The following LIMS1 variants were observed in gnomAD, a reference collection of about 807,000 sequenced individuals.
LIMS1 encodes the protein LIM and senescent cell antigen-like-containing domain protein 1.
Under a neutral mutation model 44.1 loss-of-function variants are expected in LIMS1, and 18 were observed. The observed-to-expected ratio is 0.41, with a 90% CI of 0.28 to 0.61. The LOEUF (loss-of-function observed/expected upper bound fraction) is 0.61. Among genes scored for constraint, LIMS1 ranks in the 20% least tolerant of loss-of-function variants. The probability of loss-of-function intolerance (pLI) is 0.32; values close to 1 mark genes in which losing one functional copy is unlikely to be tolerated. For missense variants in LIMS1, 201 were observed against 422.0 expected, an observed-to-expected ratio of 0.48 and a Z score of 4.59; for synonymous variants, 93 against 149.1, an observed-to-expected ratio of 0.62 and a Z score of 2.74.
chr2:108,549,290 T>C (rs1328848714), intron 1 of LIMS1, among the ~76,000 whole-genome samples: 1 of 117,874 alleles, frequency 8.5e-6, no homozygotes, highest in Non-Finnish European at 1.7e-5. Flanking sequence ...TTTTTTTTTT[T>C]TTTTTTTTTT....
intron 1 of LIMS1, among the ~76,000 whole-genome samples, chr2:108,538,071 C>T (rs796837457): frequency 1.3e-5 from 2 of 152,166 alleles, no homozygotes; most frequent in Non-Finnish European, 2.9e-5. Flanking sequence ...TTATAGTTCT[C>T]GTAACTACAC....
intron 1 of LIMS1, among the ~76,000 whole-genome samples, chr2:108,654,168 T>C (rs1690691821): frequency 1.3e-5 from 2 of 151,892 alleles, no homozygotes; most frequent in Non-Finnish European, 2.9e-5. Flanking sequence ...AGTTTCCAGC[T>C]TGACTTTTTC....
At chr2:108,586,148 C>T (rs781664436) in intron 1 of LIMS1, among the ~76,000 whole-genome samples, 12 of 151,902 alleles carry the variant, frequency 7.9e-5, no homozygotes, top group South Asian at 2.1e-4. Flanking sequence ...GCTGAGATTG[C>T]GCCACTGCAC....
chr2:108,597,935 G>T (rs1003823374), intron 1 of LIMS1, among the ~76,000 whole-genome samples: 3 of 151,852 alleles, frequency 2.0e-5, no homozygotes, highest in Non-Finnish European at 1.5e-5. Context: ...CTGGTGATCC[G>T]CCCGCCTCAG....
At chr2:108,683,815 A>T in intron 9 of LIMS1, 70 bp from the exon 10 acceptor site, 1 of 772,574 alleles carries the variant, frequency 1.3e-6, no homozygotes, top group South Asian at 1.9e-5. Flanking sequence ...CAATTACTGC[A>T]CATCATTTAT....
At chr2:108,684,225 G>A in exon 10 of LIMS1, 1 of 232,966 alleles carries the variant, frequency 4.3e-6, no homozygotes, top group Non-Finnish European at 8.4e-6. Context: ...TTGTTGACAT[G>A]TAGACTGTTT....
chr2:108,600,069 G>A lies in LIMS1; in HGVS notation c.33-59536G>A, dbSNP rs1490203841. ...TGTTGTTGTTGTTGTCGTTTGAGAT[G>A]GAGTCTCACTCACTCTGTCGCCAAG... On this transcript the variant is annotated intron_variant, in intron 1 of 9. Transcript: ENST00000544547. 5.3e-5 allele frequency among the ~76,000 whole-genome samples: 8 copies of A among 150,968 alleles called. No homozygotes were observed. The Admixed American group carries it at 5.3e-4, about 10-fold the overall frequency.
At chr2:108,585,181 A>G (rs1308423707) in intron 1 of LIMS1, among the ~76,000 whole-genome samples, 1 of 147,252 alleles carries the variant, frequency 6.8e-6, no homozygotes, top group East Asian at 2.0e-4. Context: ...AGGCGGGGCC[A>G]GGCGATATAG....
At chr2:108,683,372 T>G (rs1490673508) in intron 9 of LIMS1, among the ~76,000 whole-genome samples, 2 of 151,992 alleles carry the variant, frequency 1.3e-5, no homozygotes, top group African/African-American at 2.4e-5. Context: ...GGACCCTGTC[T>G]CTACAAAAAA....
At chr2:108,587,490 C>T (rs1205171947) in intron 1 of LIMS1, among the ~76,000 whole-genome samples, 2 of 152,036 alleles carry the variant, frequency 1.3e-5, no homozygotes, top group African/African-American at 4.8e-5. Context: ...GTGTAAGCCA[C>T]TGCACCTGGC....
In LIMS1 at chr2:108,602,275, T is replaced by G. The variant is rs543800665; in HGVS notation, c.33-57330T>G. On this transcript the variant is annotated intron_variant, in intron 1 of 9. Transcript: ENST00000544547. ...ATAATTTGAAGACTTCTTTCCAATTTGGATGCCCTTTATTTCTCTTCTCTG... is the reference window on the plus strand; with the variant it reads ...ATAATTTGAAGACTTCTTTCCAATTGGGATGCCCTTTATTTCTCTTCTCTG... Among the ~76,000 whole-genome samples, 4 of 152,202 alleles carry G rather than the reference T, an allele frequency of 2.6e-5. No homozygotes were observed. In the South Asian group the frequency reaches 8.3e-4, roughly 31 times the overall value.
At chr2:108,650,092 T>C (rs930819870) in intron 1 of LIMS1, among the ~76,000 whole-genome samples, 6 of 152,224 alleles carry the variant, frequency 3.9e-5, no homozygotes, top group Admixed American at 2.6e-4. Flanking sequence ...AATCTGACTT[T>C]TTTGGTATTT....
chr2:108,593,865 A>G (rs1020296175), intron 1 of LIMS1, among the ~76,000 whole-genome samples: 4 of 152,218 alleles, frequency 2.6e-5, no homozygotes, highest in African/African-American at 7.2e-5. Context: ...GTCAACATTC[A>G]GTTTTATTTT....
At chr2:108,606,640 C>T (rs548588968) in intron 1 of LIMS1, among the ~76,000 whole-genome samples, 34 of 152,196 alleles carry the variant, frequency 2.2e-4, no homozygotes, top group Non-Finnish European at 4.3e-4. Context: ...GGAAGAGCAA[C>T]CAACGTATAA....
intron 1 of LIMS1, among the ~76,000 whole-genome samples, chr2:108,560,170 C>T (rs993787762): frequency 6.6e-6 from 1 of 152,184 alleles, no homozygotes; most frequent in African/African-American, 2.4e-5. Flanking sequence ...CACCTCTCAA[C>T]TGGACTGTTT....
At chr2:108,669,722 TAA>T (rs60098338) in intron 2 of LIMS1, among the ~76,000 whole-genome samples, 34 of 147,098 alleles carry the variant, frequency 2.3e-4, no homozygotes, top group Admixed American at 6.1e-4. Flanking sequence ...ATTTCTCTAT[TAA>T]AAAAAAAAAA....
At chr2:108,637,184 A>C (rs188067592) in intron 1 of LIMS1, among the ~76,000 whole-genome samples, 182 of 147,448 alleles carry the variant, frequency 1.2e-3, no homozygotes, top group African/African-American at 4.5e-3. Flanking sequence ...CAGTATTTTC[A>C]AATGCTGTTT....
At chr2:108,680,052 G>A (rs991202188) in intron 8 of LIMS1, among the ~76,000 whole-genome samples, 12 of 151,838 alleles carry the variant, frequency 7.9e-5, no homozygotes, top group Non-Finnish European at 1.5e-4. Flanking sequence ...TGGCAAGACC[G>A]TGTCTCTATA....
intron 1 of LIMS1, among the ~76,000 whole-genome samples, chr2:108,562,089 C>T (rs1317197903): frequency 2.0e-5 from 3 of 152,034 alleles, no homozygotes; most frequent in Admixed American, 6.6e-5. Context: ...TTTGAGATAC[C>T]ACAAAAATGC....
Sources: gnomAD v4.1 joint callset for allele counts (sites outside exome capture counted in the v4.1 genomes callset) on GRCh38, gnomAD v4.1.1 for gene constraint, MANE v1.5 for transcripts, NCBI Gene and HGNC (gene_info 2026-07-23, HGNC 2026-07-21) for gene names.